The following NAV2 variants were observed in gnomAD, a reference collection of about 807,000 sequenced individuals.
NAV2 encodes helicase, APC down-regulated 1.
In NAV2, 54 loss-of-function variants were observed where a neutral mutation model predicts 223.2. The ratio of observed to expected loss-of-function variants is 0.24; its 90% confidence interval spans 0.19 to 0.30. NAV2 has a LOEUF of 0.30. Ranked by LOEUF, NAV2 falls within the 10% of genes least tolerant of loss-of-function variation. The pLI, the probability that NAV2 is intolerant of heterozygous loss-of-function variation, is 1.00. For missense variants in NAV2, 2,806 were observed against 3,147.5 expected, an observed-to-expected ratio of 0.89 and a Z score of 2.60; for synonymous variants, 1,279 against 1,239.3, an observed-to-expected ratio of 1.03 and a Z score of -0.67.
At chr11:19,521,686 T>C (rs2043662005) in intron 1 of NAV2, among the ~76,000 whole-genome samples, 2 of 152,148 alleles carry the variant, frequency 1.3e-5, no homozygotes, top group African/African-American at 4.8e-5. Flanking sequence ...AGGGCTTCAG[T>C]CTTTTGTGTC....
intron 3 of NAV2, among the ~76,000 whole-genome samples, chr11:19,850,320 C>T (rs922647015): frequency 1.3e-5 from 2 of 152,120 alleles, no homozygotes; most frequent in African/African-American, 4.8e-5. Flanking sequence ...TTGTGGTTGT[C>T]TGTTTACTCA....
At chr11:19,545,801 T>G (rs934064527) in intron 1 of NAV2, among the ~76,000 whole-genome samples, 1 of 152,066 alleles carries the variant, frequency 6.6e-6, no homozygotes, top group African/African-American at 2.4e-5. Context: ...TTAGTGTTAG[T>G]GTATTTTATG....
At chr11:19,628,968 C>T (rs2047259722) in intron 1 of NAV2, among the ~76,000 whole-genome samples, 1 of 152,200 alleles carries the variant, frequency 6.6e-6, no homozygotes, top group Non-Finnish European at 1.5e-5. Flanking sequence ...CCTGAGACTA[C>T]AGCCCTATCT....
chr11:19,881,892 T>TA, intron 5 of NAV2, among the ~76,000 whole-genome samples: 1 of 152,146 alleles, frequency 6.6e-6, no homozygotes, highest in East Asian at 1.9e-4. Context: ...ACAAGGTTAT[T>TA]ATAGCTTAGT....
chr11:19,887,163 G>T (rs1265018909), intron 5 of NAV2, among the ~76,000 whole-genome samples: 1 of 152,116 alleles, frequency 6.6e-6, no homozygotes, highest in African/African-American at 2.4e-5. Context: ...ACCAAGCATT[G>T]GTGGAACACC....
chr11:19,404,241 A>G (rs1411221855), intron 1 of NAV2, among the ~76,000 whole-genome samples: 1 of 152,182 alleles, frequency 6.6e-6, no homozygotes, highest in Non-Finnish European at 1.5e-5. Context: ...GAACGATGTG[A>G]TCACATTGTA....
chr11:19,683,586 T>C (rs183016201), intron 1 of NAV2, among the ~76,000 whole-genome samples: 6 of 152,376 alleles, frequency 3.9e-5, no homozygotes, highest in Admixed American at 2.0e-4. Flanking sequence ...GATGTTCTCT[T>C]GGAGCACCTT....
In NAV2 at chr11:19,897,833, G is replaced by C. The variant is rs191333788; in HGVS notation, c.931+5239G>C. Among the ~76,000 whole-genome samples, 296 of 147,614 alleles carry C rather than the reference G, an allele frequency of 2.0e-3. 1 individual carries two copies. The highest frequency in any genetic ancestry group is 3.6e-3 in the Non-Finnish European group (243 of 67,414). ...CATGGTTAGATTTGCCTTTGATTTC[G>C]TTTTCTCTCTCCTGCAAGCAGCAAT... On this transcript the variant is annotated intron_variant, in intron 6 of 37. Transcript: ENST00000349880.
At chr11:19,996,492 A>G (rs1309421938) in intron 11 of NAV2, among the ~76,000 whole-genome samples, 1 of 152,252 alleles carries the variant, frequency 6.6e-6, no homozygotes, top group African/African-American at 2.4e-5. Flanking sequence ...CCTTTACTTA[A>G]GAAGATCTTA....
chr11:19,762,018 G>A (rs959388101), intron 1 of NAV2, among the ~76,000 whole-genome samples: 4 of 152,100 alleles, frequency 2.6e-5, no homozygotes, highest in Admixed American at 6.5e-5. Context: ...CAAGGGGGGC[G>A]GATCACCTGA....
At chr11:19,831,881 A>G (rs1048711532) in intron 1 of NAV2, among the ~76,000 whole-genome samples, 1 of 152,228 alleles carries the variant, frequency 6.6e-6, no homozygotes, top group African/African-American at 2.4e-5. Flanking sequence ...AGTGAAAATG[A>G]TGCCTGGCTT....
chr11:19,775,049 T>C (rs1413762437), intron 1 of NAV2, among the ~76,000 whole-genome samples: 1 of 152,194 alleles, frequency 6.6e-6, no homozygotes, highest in African/African-American at 2.4e-5. Context: ...TTGGATTCTT[T>C]ATCCAGCCAC....
At chr11:20,055,530 C>A (rs902371221) in intron 18 of NAV2, among the ~76,000 whole-genome samples, 1 of 152,148 alleles carries the variant, frequency 6.6e-6, no homozygotes, top group African/African-American at 2.4e-5. Flanking sequence ...TCTGAACGTG[C>A]CAAGTTGGAA....
chr11:19,986,475 C>A (rs918760748), intron 11 of NAV2, among the ~76,000 whole-genome samples: 5 of 152,250 alleles, frequency 3.3e-5, no homozygotes, highest in Middle Eastern at 3.4e-3. Context: ...CAAAAATTAG[C>A]CGTTTGTGGT....
At chr11:20,022,771 G>T in intron 11 of NAV2, 1 of 1,135,840 alleles carries the variant, frequency 8.8e-7, no homozygotes, top group Non-Finnish European at 1.1e-6. Context: ...ACCACATGGA[G>T]GGCCCTTCCA....
chr11:19,832,386 A>G (rs540964018), intron 1 of NAV2, 98 bp from the exon 2 acceptor site: 9 of 844,236 alleles, frequency 1.1e-5, no homozygotes, highest in African/African-American at 5.0e-5. Flanking sequence ...AAGCTCACCA[A>G]TGGGACAGTG....
chr11:20,068,205 CAG>C lies in NAV2; in HGVS notation c.4907_4908del (p.Glu1636AspfsTer33). The C allele has an allele frequency of 1.2e-6, 2 of 1,614,032 alleles. No individual in the cohort carries two copies. ...TTACAGCCAGAAGAAAAATGCCAGT[CAG>C]AGGTAAGGAACAGCTTTCTGGTTGG... On this transcript the variant is annotated frameshift_variant and splice_region_variant, in exon 21 of 38. Coordinates refer to ENST00000349880, the MANE Select transcript of NAV2 (RefSeq NM_145117.5). LOFTEE classifies it high-confidence loss of function.
chr11:19,454,858 C>G (rs1302873428), intron 1 of NAV2, among the ~76,000 whole-genome samples: 1 of 152,134 alleles, frequency 6.6e-6, no homozygotes, highest in Non-Finnish European at 1.5e-5. Flanking sequence ...TACAAAGGTC[C>G]TAAGATAAGA....
intron 1 of NAV2, among the ~76,000 whole-genome samples, chr11:19,541,701 C>A (rs1357382887): frequency 6.6e-6 from 1 of 152,172 alleles, no homozygotes; most frequent in Admixed American, 6.5e-5. Context: ...GTGGGACATG[C>A]CACATGCCAA....
Sources: allele counts gnomAD v4.1 joint callset (sites outside exome capture counted in the v4.1 genomes callset), GRCh38; gene constraint gnomAD v4.1.1; transcripts MANE v1.5; gene names NCBI Gene and HGNC (gene_info 2026-07-23, HGNC 2026-07-21).